UGT2A3: variants seen among roughly 807,000 people sequenced by gnomAD.
UGT2A3 encodes UDP glucuronosyltransferase family 2 member A3, also known as UDP-glucuronosyltransferase 2A3.
Under a neutral mutation model 44.1 loss-of-function variants are expected in UGT2A3, and 55 were observed. The observed-to-expected ratio is 1.25, with a 90% CI of 1.00 to 1.56. UGT2A3 has a LOEUF of 1.56. Among genes scored for constraint, UGT2A3 ranks in the 40% most tolerant of loss-of-function variants. The pLI, the probability that UGT2A3 is intolerant of heterozygous loss-of-function variation, is 0.00. For synonymous variants in UGT2A3, 243 were observed against 215.1 expected (o/e 1.13, Z -1.13); for missense variants, 733 against 621.6 (o/e 1.18, Z -1.91).
intron 1 of UGT2A3, among the ~76,000 whole-genome samples, chr4:68,950,369 G>A (rs995016783): frequency 6.6e-6 from 1 of 151,740 alleles, no homozygotes; most frequent in African/African-American, 2.4e-5. Flanking sequence ...CTTTTTTCAT[G>A]TTTCTACATA....
At chr4:68,949,712 C>T (rs148430291) in intron 1 of UGT2A3, among the ~76,000 whole-genome samples, 39 of 152,012 alleles carry the variant, frequency 2.6e-4, no homozygotes, top group African/African-American at 9.2e-4. Flanking sequence ...TGCGTAAGCA[C>T]TTATGGAAAT....
chr4:68,930,812 C>A lies in UGT2A3; in HGVS notation c.1085-47G>T, dbSNP rs79530345. On this transcript the variant is annotated intron_variant, in intron 4 of 5. Coordinates refer to ENST00000251566, the MANE Select transcript of UGT2A3 (RefSeq NM_024743.4). ...AAATGGTGAGATATTTTATTCTAAA[C>A]TTTTAAAATTATTTAAAGACTACAG... The A allele has an allele frequency of 8.6e-3, 12,541 of 1,455,414 alleles. 371 individuals carry two copies. The highest frequency in any genetic ancestry group is 0.076 in the African/African-American group (5,285 of 69,620). The allele number at this position is 1,455,414 out of a possible 1,614,324, so 90.2% of individuals were successfully genotyped here. A position where few individuals can be genotyped will look rare whatever the true frequency, so the allele number is the denominator to read the frequency against.
rs553189244 is a variant in UGT2A3 at position 68,929,997 on chromosome 4, C to T, written c.1400G>A (p.Arg467His). The change falls in exon 6 of 6, where the codon CGC becomes CAC. Residue 467 changes from arginine (R) to histidine (H), a missense_variant. Coordinates refer to ENST00000251566, the MANE Select transcript of UGT2A3 (RefSeq NM_024743.4). ...RAVFWIEFVM[R>H]HKGAKHLRSA... The stretch of plus-strand genomic sequence containing the variant: ...TCGCAGGTGCTTGGCTCCTTTGTGG[C>T]GCATGACAAACTCGATCCAGAAGAC... 6.3e-5 allele frequency: 101 copies of T among 1,613,378 alleles called. No homozygotes were observed. The highest frequency in any genetic ancestry group is 1.6e-4 in the Middle Eastern group (1 of 6,062).
At chr4:68,936,202 A>C (rs1188676192) in intron 2 of UGT2A3, among the ~76,000 whole-genome samples, 1 of 152,130 alleles carries the variant, frequency 6.6e-6, no homozygotes, top group East Asian at 1.9e-4. Flanking sequence ...AAATTCAGGA[A>C]ATACAGAGAA....
In UGT2A3 at chr4:68,951,533, C is replaced by A; in HGVS notation, c.228G>T (p.Val76=). 1 of 1,612,808 alleles carries A rather than the reference C, an allele frequency of 6.2e-7. No individual in the cohort carries two copies. The highest frequency in any genetic ancestry group is 1.3e-5 in the African/African-American group (1 of 74,878). Residue 76 remains valine, a synonymous_variant, in exon 1 of 6, where the codon GTG becomes GTT. Transcript: ENST00000251566. ...CTGTTCTGTCCTGTGGCATATGGAC[C>A]ACCTCAAATTTCAATGCAGAAGGCT... The part of the protein sequence containing the change: ...YRKPSALKFE[V]VHMPQDRTEE...
intron 2 of UGT2A3, among the ~76,000 whole-genome samples, chr4:68,940,630 G>T (rs1375797865): frequency 6.6e-6 from 1 of 151,306 alleles, no homozygotes; most frequent in African/African-American, 2.4e-5. Context: ...AACCAAAATG[G>T]CACATGTATA....
intron 2 of UGT2A3, 70 bp downstream of exon 2, chr4:68,945,236 G>A (rs1241970944): frequency 6.4e-7 from 1 of 1,562,082 alleles, no homozygotes; most frequent in Non-Finnish European, 8.8e-7. Context: ...TATAACTAAG[G>A]TTGTAATCTT....
chr4:68,951,785 T>G lies in UGT2A3; in HGVS notation c.-25A>C, dbSNP rs1718608875. 2 of 1,512,818 alleles carry G rather than the reference T, an allele frequency of 1.3e-6. No individual in the cohort carries two copies. The highest frequency in any genetic ancestry group is 1.4e-5 in the African/African-American group (1 of 71,806). The allele number at this position is 1,512,818 out of a possible 1,614,324, so 93.7% of individuals were successfully genotyped here. A position where few individuals can be genotyped will look rare whatever the true frequency, so the allele number is the denominator to read the frequency against. On this transcript the variant is annotated 5_prime_UTR_variant, in exon 1 of 6. Coordinates refer to ENST00000251566, the MANE Select transcript of UGT2A3 (RefSeq NM_024743.4). ...TGATGGCAGTTCCCTCACACACTGA[T>G]CTGCAATGGTTTTGTAGTTACTAAG...
intron 4 of UGT2A3, 98 bp downstream of exon 4, chr4:68,931,057 G>T: frequency 1.0e-6 from 1 of 1,004,000 alleles, no homozygotes; most frequent in Non-Finnish European, 1.5e-6. Flanking sequence ...GTAAAATAAA[G>T]TTTTATAATT....
At position 68,951,180 on chromosome 4, in the gene UGT2A3, A is replaced by C. The variant is rs1164644372; in HGVS notation, c.581T>G (p.Val194Gly). The C allele has an allele frequency of 6.2e-7, 1 of 1,612,004 alleles. No individual in the cohort carries two copies. The highest frequency in any genetic ancestry group is 8.5e-7 in the Non-Finnish European group (1 of 1,179,038). The change falls in exon 1 of 6, where the codon GTG becomes GGG. Residue 194 changes from valine (V) to glycine (G), a missense_variant. Val to Gly is a moderately radical substitution (Grantham distance 109). Transcript: ENST00000251566. ...TCTGTCTGTTAGTCCTGTCATAGGC[A>C]CAGGTACATAGGAAAGTGGAGCTGG... ...KLPAPLSYVP[V>G]PMTGLTDRMT...
chr4:68,937,605 A>G (rs1451431077), intron 2 of UGT2A3, among the ~76,000 whole-genome samples: 1 of 152,166 alleles, frequency 6.6e-6, no homozygotes, highest in East Asian at 1.9e-4. Context: ...CAGAAGAGAA[A>G]GCAGGAAAAA....
At chr4:68,943,844 C>G (rs1468392482) in intron 2 of UGT2A3, among the ~76,000 whole-genome samples, 1 of 151,752 alleles carries the variant, frequency 6.6e-6, no homozygotes, top group Non-Finnish European at 1.5e-5. Context: ...AAGTGACTAT[C>G]TTTCAGTCTC....
chr4:68,947,532 T>G (rs1165145984), intron 1 of UGT2A3, among the ~76,000 whole-genome samples: 1 of 151,786 alleles, frequency 6.6e-6, no homozygotes, highest in African/African-American at 2.4e-5. Context: ...TTTTCCAAAC[T>G]CTTGTTAATG....
At position 68,932,647 on chromosome 4, in the gene UGT2A3, A is replaced by G. The variant is rs1717777299; in HGVS notation, c.977T>C (p.Leu326Pro). 6.2e-7 allele frequency: 1 copy of G among 1,610,284 alleles called. No individual in the cohort carries two copies. ...ACTGACCTTCTGTGGGATCTGGGCAAGGGCTGAAGCAATGATATTAGCCTT... is the reference window on the plus strand; with the variant it reads ...ACTGACCTTCTGTGGGATCTGGGCAGGGGCTGAAGCAATGATATTAGCCTT... ...EEKANIIASA[L>P]AQIPQKVLWR... The change falls in exon 3 of 6, where the codon CTT becomes CCT. Residue 326 changes from leucine (L) to proline (P), a missense_variant. Leu to Pro is a moderately conservative substitution (Grantham distance 98). Transcript: ENST00000251566.
chr4:68,932,491 C>T lies in UGT2A3; in HGVS notation c.996+137G>A, dbSNP rs115826767. On this transcript the variant is annotated intron_variant, in intron 3 of 5. Transcript: ENST00000251566. ...CTCAGTAGGCAAATGATCAGTTATG[C>T]CCATGTACACTACTATAATGTTTTG... The T allele has an allele frequency of 5.2e-3, 4,155 of 793,402 alleles. 129 individuals carry two copies. In the African/African-American group the frequency reaches 0.064, roughly 12 times the overall value. The allele number at this position is 793,402 out of a possible 1,614,324, so 49.1% of individuals were successfully genotyped here.
chr4:68,929,763 C>A lies in UGT2A3; in HGVS notation c.*50G>T. 1 of 1,451,046 alleles carries A rather than the reference C, an allele frequency of 6.9e-7. No individual in the cohort carries two copies. The highest frequency in any genetic ancestry group is 2.2e-5 in the Admixed American group (1 of 45,426). The allele number at this position is 1,451,046 out of a possible 1,614,324, so 89.9% of individuals were successfully genotyped here. On this transcript the variant is annotated 3_prime_UTR_variant, in exon 6 of 6. Transcript: ENST00000251566. ...AAGGTTTTCACCAAATTCTATGTGG[C>A]TGGAATTAACAGGATTACCCCATCA...
chr4:68,951,378 A>G lies in UGT2A3; in HGVS notation c.383T>C (p.Phe128Ser), dbSNP rs773744879. Residue 128 changes from phenylalanine (F) to serine (S), a missense_variant, in exon 1 of 6, where the codon TTT becomes TCT. Phe to Ser is a radical substitution (Grantham distance 155). Transcript: ENST00000251566. ...CTTCATAAGCGTCTGATTGTAGATA[A>G]AGCTCTCACACATCATTTTTAAAGT... ...RGTLKMMCES[F>S]IYNQTLMKKL... 1 of 1,612,632 alleles carries G rather than the reference A, an allele frequency of 6.2e-7. No individual in the cohort carries two copies. Among genetic ancestry groups the G allele is most frequent in the Non-Finnish European group, 8.5e-7 (1 of 1,179,258 alleles).
At chr4:68,934,620 C>T (rs1372400147) in intron 2 of UGT2A3, among the ~76,000 whole-genome samples, 1 of 151,704 alleles carries the variant, frequency 6.6e-6, no homozygotes, top group Non-Finnish European at 1.5e-5. Context: ...ATCTATAAAC[C>T]CAGCATTTTC....
At chr4:68,936,417 A>G (rs1022350107) in intron 2 of UGT2A3, among the ~76,000 whole-genome samples, 30 of 152,134 alleles carry the variant, frequency 2.0e-4, no homozygotes, top group Admixed American at 1.8e-3. Context: ...CAACATTCTT[A>G]AAGGAAAGAA....
Sources: gnomAD v4.1 joint callset for allele counts (sites outside exome capture counted in the v4.1 genomes callset) on GRCh38, gnomAD v4.1.1 for gene constraint, MANE v1.5 for transcripts, NCBI Gene and HGNC (gene_info 2026-07-23, HGNC 2026-07-21) for gene names.